Variants in ADAMTSL1 observed in about 807,000 individuals in gnomAD.
The protein encoded by ADAMTSL1 is ADAMTS like 1, also known as ADAMTS-like protein 1.
Under a neutral mutation model 201.8 loss-of-function variants are expected in ADAMTSL1, and 126 were observed. The ratio of observed to expected loss-of-function variants is 0.62; its 90% CI spans 0.54 to 0.72. ADAMTSL1 has a LOEUF of 0.72. ADAMTSL1 is among the 30% of genes least tolerant of loss of function. The pLI, the probability that ADAMTSL1 is intolerant of heterozygous loss-of-function variation, is 0.00. For synonymous variants in ADAMTSL1, 1,121 were observed against 903.4 expected (o/e 1.24, Z -4.32); for missense variants, 2,679 against 2,277.8 (o/e 1.18, Z -3.59).
At chr9:18,230,444 C>T (rs757977545) in intron 2 of ADAMTSL1, among the ~76,000 whole-genome samples, 2 of 151,998 alleles carry the variant, frequency 1.3e-5, no homozygotes, top group Non-Finnish European at 2.9e-5. Flanking sequence ...GGTCCAAAAG[C>T]CAGAGAAATA....
intron 13 of ADAMTSL1, 91 bp from the exon 14 acceptor site, chr9:18,706,656 T>C: frequency 1.5e-6 from 2 of 1,344,018 alleles, no homozygotes; most frequent in Non-Finnish European, 2.0e-6. Context: ...CTCTGGGCAC[T>C]GGAGGCAGGT....
At chr9:18,158,092 T>TC (rs1307021028) in intron 1 of ADAMTSL1, among the ~76,000 whole-genome samples, 7 of 151,968 alleles carry the variant, frequency 4.6e-5, no homozygotes, top group Non-Finnish European at 8.8e-5. Context: ...GACAATGTCC[T>TC]CCTGCTCTCT....
chr9:18,168,311 T>C (rs1827725842), intron 2 of ADAMTSL1, among the ~76,000 whole-genome samples: 1 of 152,144 alleles, frequency 6.6e-6, no homozygotes, highest in South Asian at 2.1e-4. Context: ...GTGTGTGATG[T>C]TCCCCTTCCT....
chr9:18,567,489 G>C (rs1821993612), intron 3 of ADAMTSL1, among the ~76,000 whole-genome samples: 1 of 152,140 alleles, frequency 6.6e-6, no homozygotes, highest in Non-Finnish European at 1.5e-5. Flanking sequence ...TTGGCCTGAA[G>C]AGTATAGAGT....
chr9:18,228,038 A>C lies in ADAMTSL1; in HGVS notation c.207+64057A>C, dbSNP rs111623826. On this transcript the variant is annotated intron_variant, in intron 2 of 29. Transcript: ENST00000680146. ...CTCCAGTCCATCTTACAAGTGACTA[A>C]CTAACAACATAACTGAAATATAAGC... Among the ~76,000 whole-genome samples the C allele has an allele frequency of 4.7e-3, 712 of 152,308 alleles. 5 individuals are homozygous for C. Among genetic ancestry groups the C allele is most frequent in the Non-Finnish European group, 8.3e-3 (563 of 68,010 alleles).
intron 23 of ADAMTSL1, among the ~76,000 whole-genome samples, chr9:18,837,692 C>T (rs554716512): frequency 2.0e-5 from 3 of 152,326 alleles, no homozygotes; most frequent in South Asian, 2.1e-4. Context: ...TTTACTGTAA[C>T]AGAGCCACAC....
chr9:18,646,112 G>T (rs1371901720), intron 7 of ADAMTSL1, among the ~76,000 whole-genome samples: 2 of 151,766 alleles, frequency 1.3e-5, no homozygotes, highest in Non-Finnish European at 2.9e-5. Flanking sequence ...CACATCCCTT[G>T]TAAGTTGGAT....
At chr9:18,068,183 T>G (rs775685931) in intron 1 of ADAMTSL1, among the ~76,000 whole-genome samples, 37 of 152,118 alleles carry the variant, frequency 2.4e-4, no homozygotes, top group Non-Finnish European at 3.7e-4. Context: ...GACTGTTTAT[T>G]AAGATAGCAG....
chr9:18,739,257 C>G (rs1818685709), intron 15 of ADAMTSL1, among the ~76,000 whole-genome samples: 1 of 152,156 alleles, frequency 6.6e-6, no homozygotes. Context: ...AAAAGGGTAA[C>G]TTTCCCAAGG....
rs570431279 is a variant in ADAMTSL1, at chr9:18,281,383, G to T, written c.207+117402G>T. Reference sequence around the variant, plus strand: ...GACACCGCACTCACCAGACTATGGAGAATTCAGCACCAGACTGGGAAGCAA... The same window carrying T: ...GACACCGCACTCACCAGACTATGGATAATTCAGCACCAGACTGGGAAGCAA... On this transcript the variant is annotated intron_variant, in intron 2 of 29. Coordinates refer to the ADAMTSL1 transcript ENST00000680146. Among the ~76,000 whole-genome samples, 4 of 152,224 alleles carry T rather than the reference G, an allele frequency of 2.6e-5. No homozygotes were observed. In the South Asian group the frequency reaches 8.3e-4, roughly 32 times the overall value.
At chr9:18,889,789 G>C in intron 25 of ADAMTSL1, 41 bp downstream of exon 25, 1 of 1,420,436 alleles carries the variant, frequency 7.0e-7, no homozygotes, top group Non-Finnish European at 9.2e-7. Flanking sequence ...CCCACCCTAG[G>C]AGGAGCCCTC....
chr9:18,415,015 T>G (rs1818612958), intron 2 of ADAMTSL1, among the ~76,000 whole-genome samples: 1 of 152,180 alleles, frequency 6.6e-6, no homozygotes, highest in Non-Finnish European at 1.5e-5. Flanking sequence ...TAAATACAAC[T>G]CTGGCCTTGC....
intron 1 of ADAMTSL1, among the ~76,000 whole-genome samples, chr9:17,939,077 T>C (rs777744582): frequency 6.6e-5 from 10 of 152,272 alleles, no homozygotes; most frequent in Non-Finnish European, 1.0e-4. Flanking sequence ...TTGCCACTTA[T>C]ACTTTTTGCA....
rs778997748 is a variant in ADAMTSL1, at chr9:18,585,934, A to AT, written c.474+11669dup. Among the ~76,000 whole-genome samples, 46 of 152,296 alleles carry AT rather than the reference A, an allele frequency of 3.0e-4. No homozygotes were observed. In the South Asian group the frequency reaches 6.2e-3, roughly 21 times the overall value. On this transcript the variant is annotated intron_variant, in intron 4 of 28. Transcript: ENST00000380548. Reference sequence around the variant, plus strand: ...TTAATAAACTAGATATTGAAGGAAAATACCCTAAAACAATAAGAGTCATCT... The same window carrying AT: ...TTAATAAACTAGATATTGAAGGAAAATTACCCTAAAACAATAAGAGTCATCT...
At chr9:18,146,363 G>A (rs1826641267) in intron 1 of ADAMTSL1, among the ~76,000 whole-genome samples, 2 of 152,204 alleles carry the variant, frequency 1.3e-5, no homozygotes, top group South Asian at 2.1e-4. Context: ...CCTTCAATAG[G>A]TGAATGAAAT....
intron 2 of ADAMTSL1, among the ~76,000 whole-genome samples, chr9:18,202,033 C>T (rs933079200): frequency 2.0e-5 from 3 of 152,064 alleles, no homozygotes; most frequent in Admixed American, 2.0e-4. Flanking sequence ...TTTGCTGTTA[C>T]CATATTCAAG....
At chr9:18,333,318 G>A (rs1040174974) in intron 2 of ADAMTSL1, among the ~76,000 whole-genome samples, 7 of 152,080 alleles carry the variant, frequency 4.6e-5, no homozygotes, top group Admixed American at 4.6e-4. Context: ...TCTCATGATA[G>A]TGAGTTCTCA....
At chr9:18,620,777 C>G (rs1825988642) in intron 4 of ADAMTSL1, among the ~76,000 whole-genome samples, 1 of 152,066 alleles carries the variant, frequency 6.6e-6, no homozygotes, top group Non-Finnish European at 1.5e-5. Context: ...GAACTCAGCA[C>G]CATGTTTTCC....
chr9:18,482,235 T>C (rs972431247), intron 1 of ADAMTSL1, among the ~76,000 whole-genome samples: 10 of 152,238 alleles, frequency 6.6e-5, no homozygotes, highest in Admixed American at 5.2e-4. Context: ...ATTCCACTTC[T>C]GAGGCAAGAA....
Sources: gnomAD v4.1 joint callset for allele counts (sites outside exome capture counted in the v4.1 genomes callset) on GRCh38, gnomAD v4.1.1 for gene constraint, MANE v1.5 for transcripts, NCBI Gene and HGNC (gene_info 2026-07-23, HGNC 2026-07-21) for gene names.